PPFIBP1: variants seen among roughly 807,000 people sequenced by gnomAD.
The protein encoded by PPFIBP1 is liprin-beta-1.
PPFIBP1 carries 112 observed loss-of-function variants against 137.8 expected under a neutral mutation model. That is an observed-to-expected ratio of 0.81 (90% CI 0.70 to 0.95). The LOEUF (loss-of-function observed/expected upper bound fraction) is 0.95. Among genes scored for constraint, PPFIBP1 ranks in the 40% least tolerant of loss-of-function variants. The pLI, the probability that PPFIBP1 is intolerant of heterozygous loss-of-function variation, is 0.00. For missense variants in PPFIBP1, 1,083 were observed against 1,196.6 expected, an observed-to-expected ratio of 0.91 and a Z score of 1.40; for synonymous variants, 378 against 417.3, an observed-to-expected ratio of 0.91 and a Z score of 1.15.
intron 2 of PPFIBP1, among the ~76,000 whole-genome samples, chr12:27,627,008 G>A (rs1352524215): frequency 6.6e-6 from 1 of 152,102 alleles, no homozygotes; most frequent in Non-Finnish European, 1.5e-5. Context: ...CCTTTATGGG[G>A]TACATGAGAT....
intron 2 of PPFIBP1, chr12:27,593,886 G>A (rs2052850666): frequency 1.4e-6 from 2 of 1,479,814 alleles, no homozygotes; most frequent in Non-Finnish European, 1.8e-6. Flanking sequence ...GGGAGAAAGT[G>A]GATGGAAGGA....
chr12:27,690,945 C>A (rs755460196), intron 27 of PPFIBP1, among the ~76,000 whole-genome samples: 4 of 151,420 alleles, frequency 2.6e-5, no homozygotes, highest in African/African-American at 9.7e-5. Context: ...AATATGTTAT[C>A]CCAACCAACT....
At chr12:27,664,341 T>G (rs371376704) in intron 11 of PPFIBP1, 21 bp from the exon 12 acceptor site, 2 of 1,508,650 alleles carry the variant, frequency 1.3e-6, no homozygotes, top group Non-Finnish European at 1.8e-6. Context: ...GATTAAAGAT[T>G]ACAATTTATT....
In PPFIBP1 at chr12:27,689,023, G is replaced by T; in HGVS notation, c.2505G>T (p.Glu835Asp). 6.2e-7 allele frequency: 1 copy of T among 1,611,544 alleles called. No homozygotes were observed. Among genetic ancestry groups the T allele is most frequent in the Non-Finnish European group, 8.5e-7 (1 of 1,179,220 alleles). ...TTTTTTTCTTTAAACAGGTTCTAGA[G>T]CCTCGTTTTAACGTAGAAACAATGG... ...SGVHGGLMVL[E>D]PRFNVETMAQ... Residue 835 changes from glutamate to aspartate, a missense_variant, in exon 27 of 30, where the codon GAG becomes GAT. Transcript: ENST00000228425.
chr12:27,550,923 CACTT>C (rs746645853), intron 1 of PPFIBP1, among the ~76,000 whole-genome samples: 98 of 151,374 alleles, frequency 6.5e-4, no homozygotes, highest in Middle Eastern at 6.8e-3. Context: ...GTTTATCACT[CACTT>C]ACTCTGTGGC....
chr12:27,537,120 G>A (rs1945110321), intron 1 of PPFIBP1, among the ~76,000 whole-genome samples: 1 of 151,998 alleles, frequency 6.6e-6, no homozygotes, highest in Non-Finnish European at 1.5e-5. Context: ...GAGCCCTGCA[G>A]GTAGTCCCTT....
intron 1 of PPFIBP1, among the ~76,000 whole-genome samples, chr12:27,528,989 G>T (rs775951548): frequency 3.9e-5 from 6 of 152,328 alleles, no homozygotes; most frequent in Middle Eastern, 6.8e-3. Flanking sequence ...CCTTGTTTTT[G>T]TTGGCAAGTG....
Position 27,634,966 on chromosome 12 carries a change from C to T in PPFIBP1, c.121C>T (p.Pro41Ser), listed in dbSNP as rs1413588641. 6.2e-7 allele frequency: 1 copy of T among 1,614,010 alleles called. No homozygotes were observed. The highest frequency in any genetic ancestry group is 8.5e-7 in the Non-Finnish European group (1 of 1,180,008). The change falls in exon 4 of 30, where the codon CCA (proline) becomes TCA (serine). Residue 41 changes from proline (P) to serine (S), a missense_variant. Pro to Ser is a moderately conservative substitution (Grantham distance 74, BLOSUM62 -1). Coordinates refer to ENST00000228425, the MANE Select transcript of PPFIBP1 (RefSeq NM_003622.4). ...GIFDCQSPTSPFMGSLRALHL... is the reference protein window; with the variant it reads ...GIFDCQSPTSSFMGSLRALHL... ...TTTTGATTGCCAATCTCCCACCTCT[C>T]CATTCATGGGAAGTTTGCGAGCTCT...
intron 1 of PPFIBP1, among the ~76,000 whole-genome samples, chr12:27,539,824 T>G (rs1592325660): frequency 6.6e-6 from 1 of 152,288 alleles, no homozygotes; most frequent in Middle Eastern, 3.4e-3. Context: ...GAAGGTATAA[T>G]TAGCTTTGGT....
intron 27 of PPFIBP1, among the ~76,000 whole-genome samples, chr12:27,690,719 T>G (rs2061484369): frequency 6.6e-6 from 1 of 152,226 alleles, no homozygotes; most frequent in Non-Finnish European, 1.5e-5. Flanking sequence ...TTGTTCTGTT[T>G]TTATAAATCA....
intron 2 of PPFIBP1, among the ~76,000 whole-genome samples, chr12:27,610,619 G>T (rs2054999660): frequency 6.6e-6 from 1 of 152,198 alleles, no homozygotes; most frequent in African/African-American, 2.4e-5. Context: ...TGCTGAGCAT[G>T]AATCATCCTA....
At chr12:27,652,592 A>C (rs2058939206) in intron 7 of PPFIBP1, among the ~76,000 whole-genome samples, 1 of 152,224 alleles carries the variant, frequency 6.6e-6, no homozygotes, top group African/African-American at 2.4e-5. Context: ...TTGGAAATTT[A>C]GACCATATTT....
intron 2 of PPFIBP1, chr12:27,584,502 A>T: frequency 6.6e-6 from 1 of 152,336 alleles, no homozygotes; most frequent in East Asian, 1.9e-4. Flanking sequence ...GAAGGTACTA[A>T]TGTGGGGGTT....
At chr12:27,648,035 G>A (rs976347821) in intron 6 of PPFIBP1, 193 bp downstream of exon 6, 5 of 639,676 alleles carry the variant, frequency 7.8e-6, no homozygotes, top group Non-Finnish European at 1.1e-5. Context: ...TATGTAATTA[G>A]AATCTGGAAC....
chr12:27,690,167 C>T (rs2061444007), intron 27 of PPFIBP1, among the ~76,000 whole-genome samples: 2 of 148,470 alleles, frequency 1.3e-5, no homozygotes, highest in African/African-American at 5.0e-5. Context: ...CAGGTCCACT[C>T]CTACTCGGAT....
At chr12:27,586,303 A>C (rs2051742934) in intron 2 of PPFIBP1, among the ~76,000 whole-genome samples, 1 of 152,224 alleles carries the variant, frequency 6.6e-6, no homozygotes, top group South Asian at 2.1e-4. Flanking sequence ...TGAACTTTTT[A>C]AATTATTTGC....
intron 17 of PPFIBP1, 46 bp from the exon 18 acceptor site, chr12:27,676,382 G>A (rs746675521): frequency 9.4e-6 from 13 of 1,389,806 alleles, no homozygotes; most frequent in African/African-American, 1.5e-5. Flanking sequence ...ATGTGCTGAG[G>A]ATGCTGCACC....
chr12:27,647,223 ACTC>A (rs1348620063), intron 5 of PPFIBP1, among the ~76,000 whole-genome samples: 1 of 150,944 alleles, frequency 6.6e-6, no homozygotes, highest in Non-Finnish European at 1.5e-5. Flanking sequence ...CTGGTCTTGA[ACTC>A]CTGACTTCAA....
intron 19 of PPFIBP1, 80 bp from the exon 20 acceptor site, chr12:27,679,409 C>A: frequency 7.4e-7 from 1 of 1,357,952 alleles, no homozygotes; most frequent in Non-Finnish European, 1.0e-6. Context: ...GAATTCTTAA[C>A]AGTTCTAGAA....
Sources: gnomAD v4.1 joint callset for allele counts (sites outside exome capture counted in the v4.1 genomes callset) on GRCh38, gnomAD v4.1.1 for gene constraint, MANE v1.5 for transcripts, NCBI Gene and HGNC (gene_info 2026-07-23, HGNC 2026-07-21) for gene names.